The following NLGN1 variants were observed in gnomAD, a reference collection of about 807,000 sequenced individuals.
The protein encoded by NLGN1 is neuroligin 1, also known as neuroligin-1.
A neutral mutation model predicts 65.5 loss-of-function variants in NLGN1; 12 were observed. The observed-to-expected ratio is 0.18, with a 90% CI of 0.12 to 0.30. The LOEUF is 0.30. Ranked by LOEUF, NLGN1 falls within the 10% of genes least tolerant of loss-of-function variation. NLGN1 has a pLI of 1.00. For missense variants in NLGN1, 750 were observed against 1,007.1 expected (o/e 0.74, Z 3.46); for synonymous variants, 350 against 359.5 (o/e 0.97, Z 0.30).
chr3:173,839,238 G>A (rs934091987), intron 4 of NLGN1, among the ~76,000 whole-genome samples: 2 of 151,664 alleles, frequency 1.3e-5, no homozygotes, highest in Admixed American at 1.3e-4. Context: ...CATTGCTCTA[G>A]CATTTTCCTA....
chr3:173,977,009 C>T (rs1717612420), intron 4 of NLGN1, among the ~76,000 whole-genome samples: 2 of 151,890 alleles, frequency 1.3e-5, no homozygotes, highest in Non-Finnish European at 2.9e-5. Context: ...GTGCCAGGCA[C>T]AATGCTAAGT....
intron 4 of NLGN1, among the ~76,000 whole-genome samples, chr3:174,269,781 G>T (rs916671939): frequency 5.3e-5 from 8 of 151,752 alleles, no homozygotes; most frequent in African/African-American, 1.7e-4. Context: ...TTTGATAAGG[G>T]TTACATGTTT....
At chr3:174,287,847 G>T (rs552699368), downstream of NLGN1, among the ~76,000 whole-genome samples, 10 of 151,564 alleles carry the variant, frequency 6.6e-5, no homozygotes, top group East Asian at 1.8e-3. Context: ...AGTCTTAAAA[G>T]GTGATCTAAC....
At chr3:173,819,390 G>A (rs183584365) in intron 4 of NLGN1, among the ~76,000 whole-genome samples, 1 of 152,084 alleles carries the variant, frequency 6.6e-6, no homozygotes, top group African/African-American at 2.4e-5. Flanking sequence ...ACTGACTCTC[G>A]GATCCATTCC....
rs545890069 is a variant in NLGN1, at chr3:174,206,531, A to G, written c.647-68784A>G. Reference sequence around the variant, plus strand: ...ACCAAGGCCCCCAGCCAAGACAAGGAAAGAGGGCCTGTGTCCTACACTCAG... The same window carrying G: ...ACCAAGGCCCCCAGCCAAGACAAGGGAAGAGGGCCTGTGTCCTACACTCAG... On this transcript the variant is annotated intron_variant, in intron 4 of 6. Transcript: ENST00000457714. Among the ~76,000 whole-genome samples, 4 of 152,282 alleles carry G rather than the reference A, an allele frequency of 2.6e-5. No homozygotes were observed. The East Asian group carries it at 7.7e-4, about 29-fold the overall frequency.
At chr3:173,655,137 G>A (rs75444624) in intron 3 of NLGN1, among the ~76,000 whole-genome samples, 1,646 of 152,246 alleles carry the variant, frequency 0.011, 17 homozygotes, top group Non-Finnish European at 0.017. Context: ...TTAAAATGCA[G>A]GGAGGACCTC....
intron 2 of NLGN1, among the ~76,000 whole-genome samples, chr3:173,498,041 C>A (rs994504487): frequency 1.3e-5 from 2 of 151,422 alleles, no homozygotes; most frequent in African/African-American, 4.9e-5. Flanking sequence ...TTCTCTAAAC[C>A]CTGAGTAGGT....
chr3:174,156,016 C>T (rs979473376), intron 4 of NLGN1, among the ~76,000 whole-genome samples: 2 of 151,836 alleles, frequency 1.3e-5, no homozygotes, highest in Non-Finnish European at 2.9e-5. Context: ...ATTTAAGGCA[C>T]ATATTGGTTA....
chr3:174,056,562 G>A lies in NLGN1; in HGVS notation c.647-218753G>A, dbSNP rs150496872. 3.0e-4 allele frequency among the ~76,000 whole-genome samples: 45 copies of A among 152,044 alleles called. 1 individual carries two copies. The East Asian group carries it at 7.9e-3, about 27-fold the overall frequency. On this transcript the variant is annotated intron_variant, in intron 4 of 6. Transcript: ENST00000457714. ...AGCAGGTTTTACTTTCAGTGCAAAC[G>A]AGAATCCAAAGTTTGTATCATGGAA...
chr3:173,838,492 G>T (rs774907087), intron 4 of NLGN1, among the ~76,000 whole-genome samples: 2 of 152,066 alleles, frequency 1.3e-5, no homozygotes, highest in African/African-American at 4.8e-5. Context: ...GTAATTTTGT[G>T]TACCTGTAAA....
At chr3:174,135,368 A>T (rs908831504) in intron 4 of NLGN1, among the ~76,000 whole-genome samples, 1 of 152,216 alleles carries the variant, frequency 6.6e-6, no homozygotes. Flanking sequence ...GGCAGAGGAC[A>T]TAAAGGTGTA....
At chr3:173,943,627 T>G (rs1579326873) in intron 4 of NLGN1, among the ~76,000 whole-genome samples, 1 of 152,312 alleles carries the variant, frequency 6.6e-6, no homozygotes, top group African/African-American at 2.4e-5. Flanking sequence ...TGATTGAAGC[T>G]TTTGGAGGAA....
chr3:173,856,580 G>A (rs1015177112), intron 4 of NLGN1, among the ~76,000 whole-genome samples: 3 of 152,090 alleles, frequency 2.0e-5, no homozygotes, highest in Admixed American at 2.0e-4. Context: ...TCCAGCAAAA[G>A]CATCAGGGGT....
chr3:173,769,487 G>A (rs747535952), intron 3 of NLGN1, among the ~76,000 whole-genome samples: 10 of 152,102 alleles, frequency 6.6e-5, no homozygotes, highest in Non-Finnish European at 1.3e-4. Context: ...GGAATCTTTC[G>A]AACTTTTCAG....
At chr3:173,673,479 G>A (rs1284007164) in intron 3 of NLGN1, among the ~76,000 whole-genome samples, 2 of 152,212 alleles carry the variant, frequency 1.3e-5, no homozygotes, top group East Asian at 1.9e-4. Context: ...TGAAACACTG[G>A]TCTGGTTTGC....
rs184853009 is a variant in NLGN1, at chr3:173,478,783, G to T, written c.-321+43705G>T. 5.6e-4 allele frequency among the ~76,000 whole-genome samples: 85 copies of T among 151,990 alleles called. 1 individual carries two copies. Among genetic ancestry groups the T allele is most frequent in the Middle Eastern group, 3.4e-3 (1 of 294 alleles). Reference sequence around the variant, plus strand: ...TAAAAATAATCCCAGCTACTCCAGGGGCTGAGGCATGAGAATCACTTGAAC... The same window carrying T: ...TAAAAATAATCCCAGCTACTCCAGGTGCTGAGGCATGAGAATCACTTGAAC... On this transcript the variant is annotated intron_variant, in intron 2 of 6. Transcript: ENST00000457714.
chr3:173,683,298 C>A (rs1292446234), intron 3 of NLGN1, among the ~76,000 whole-genome samples: 5 of 152,078 alleles, frequency 3.3e-5, no homozygotes. Flanking sequence ...TCTTCCTCTT[C>A]CCCCCATGGC....
At chr3:173,955,292 T>A (rs766386145) in intron 4 of NLGN1, among the ~76,000 whole-genome samples, 2 of 152,306 alleles carry the variant, frequency 1.3e-5, no homozygotes, top group African/African-American at 2.4e-5. Context: ...ATGCCGCTCA[T>A]AGAGCATTAA....
chr3:173,474,828 C>T (rs1725916922), intron 2 of NLGN1, among the ~76,000 whole-genome samples: 2 of 152,022 alleles, frequency 1.3e-5, no homozygotes, highest in South Asian at 4.2e-4. Flanking sequence ...CATGGTGGTG[C>T]ACGCCTGTAA....
Sources: gnomAD v4.1 joint callset for allele counts (sites outside exome capture counted in the v4.1 genomes callset) on GRCh38, gnomAD v4.1.1 for gene constraint, MANE v1.5 for transcripts, NCBI Gene and HGNC (gene_info 2026-07-23, HGNC 2026-07-21) for gene names.